Variants in SPAG9 observed in about 807,000 individuals in gnomAD.
SPAG9 encodes the protein sperm associated antigen 9.
A neutral mutation model predicts 166.5 loss-of-function variants in SPAG9; 35 were observed. That is an observed-to-expected ratio of 0.21 (90% CI 0.16 to 0.28). The LOEUF (loss-of-function observed/expected upper bound fraction) is 0.28. SPAG9 is among the 10% of genes least tolerant of loss of function. The probability of loss-of-function intolerance (pLI) is 1.00; values close to 1 mark genes in which losing one functional copy is unlikely to be tolerated. For synonymous variants in SPAG9, 534 were observed against 565.5 expected (o/e 0.94, Z 0.79); for missense variants, 1,235 against 1,603.3 (o/e 0.77, Z 3.92).
intron 27 of SPAG9, chr17:50,976,019 A>G: frequency 1.4e-6 from 1 of 739,802 alleles, no homozygotes; most frequent in Non-Finnish European, 2.3e-6. Context: ...CAAAGCCCCT[A>G]ACGAAAATAA....
chr17:51,032,186 G>A (rs548001167), intron 5 of SPAG9, among the ~76,000 whole-genome samples: 2 of 151,848 alleles, frequency 1.3e-5, no homozygotes, highest in East Asian at 1.9e-4. Context: ...TTTGAGACAC[G>A]GTCTCACTCC....
intron 2 of SPAG9, among the ~76,000 whole-genome samples, chr17:51,063,184 G>T (rs571588251): frequency 6.6e-6 from 1 of 152,120 alleles, no homozygotes; most frequent in Non-Finnish European, 1.5e-5. Context: ...CGAGGCAGGC[G>T]TATCACCTGA....
intron 1 of SPAG9, among the ~76,000 whole-genome samples, chr17:51,113,354 A>C (rs113985235): frequency 0.2 from 9,813 of 48,428 alleles, 260 homozygotes; most frequent in Non-Finnish European, 0.24. Flanking sequence ...ATGCCATATC[A>C]AAAAAAAAAA....
intron 10 of SPAG9, 26 bp downstream of exon 10, chr17:51,007,243 T>G (rs758846261): frequency 3.8e-6 from 5 of 1,330,166 alleles, no homozygotes; most frequent in African/African-American, 1.5e-5. Flanking sequence ...TTCTTTATCT[T>G]CTGTTAAAAT....
chr17:51,039,678 T>C (rs1026579156), intron 5 of SPAG9, among the ~76,000 whole-genome samples: 2 of 152,184 alleles, frequency 1.3e-5, no homozygotes, highest in Non-Finnish European at 2.9e-5. Flanking sequence ...AATCGGTTTA[T>C]AAGTTGTCAA....
chr17:50,997,942 T>C (rs75540720), intron 15 of SPAG9, among the ~76,000 whole-genome samples: 356 of 152,164 alleles, frequency 2.3e-3, no homozygotes, highest in African/African-American at 8.2e-3. Flanking sequence ...TCCTTCTCTT[T>C]TATAAAAACT....
chr17:51,085,948 T>A (rs556077028), intron 1 of SPAG9, among the ~76,000 whole-genome samples: 6 of 150,040 alleles, frequency 4.0e-5, no homozygotes, highest in South Asian at 4.2e-4. Flanking sequence ...TTTTTTATCC[T>A]CTTGGAAATC....
In SPAG9 at chr17:50,998,414, A is replaced by G. The variant is rs199564653; in HGVS notation, c.1838+30T>C. The G allele has an allele frequency of 4.7e-5, 74 of 1,583,944 alleles. No individual in the cohort carries two copies. In the East Asian group the frequency reaches 1.5e-3, roughly 32 times the overall value. On this transcript the variant is annotated intron_variant, in intron 15 of 29. Coordinates refer to ENST00000262013, the MANE Select transcript of SPAG9 (RefSeq NM_001130528.3). Reference sequence around the variant, plus strand: ...ATTCTGAACCACTAACTTAATTTAGAATATAATGATTAATTTGGAAAAGAC... The same window carrying G: ...ATTCTGAACCACTAACTTAATTTAGGATATAATGATTAATTTGGAAAAGAC...
At chr17:51,088,945 T>C (rs1368102549) in intron 1 of SPAG9, among the ~76,000 whole-genome samples, 1 of 149,044 alleles carries the variant, frequency 6.7e-6, no homozygotes, top group Non-Finnish European at 1.5e-5. Context: ...ATACTAAAAT[T>C]AGCCAGGCGA....
intron 1 of SPAG9, among the ~76,000 whole-genome samples, chr17:51,114,133 C>T (rs2049211076): frequency 6.6e-6 from 1 of 152,106 alleles, no homozygotes; most frequent in Admixed American, 6.6e-5. Flanking sequence ...TGAGACCAGC[C>T]TGGACAACAT....
chr17:51,045,404 C>T (rs191760465), intron 4 of SPAG9, among the ~76,000 whole-genome samples: 13 of 152,142 alleles, frequency 8.5e-5, no homozygotes, highest in Admixed American at 3.3e-4. Flanking sequence ...AGATTATTCC[C>T]AATTTTTATA....
Position 50,990,557 on chromosome 17 carries a change from C to T in SPAG9, c.2510G>A (p.Ser837Asn). Residue 837 changes from serine to asparagine, a missense_variant, in exon 20 of 30, where the codon AGC becomes AAC. This residue lies in a region of SPAG9 where 493 missense variants were observed against 559.4 expected (regional missense o/e 0.88). Transcript: ENST00000262013. ...MTSNSSAETD[S>N]LLGGITVVGC... ...AACCACTGTGATGCCTCCTAACAGG[C>T]TGTCTGTCTCTGCTGAGCTGTTGCT... The T allele has an allele frequency of 6.2e-7, 1 of 1,614,188 alleles. No individual in the cohort carries two copies. The highest frequency in any genetic ancestry group is 8.5e-7 in the Non-Finnish European group (1 of 1,179,998).
intron 1 of SPAG9, among the ~76,000 whole-genome samples, chr17:51,087,696 T>C (rs1447466495): frequency 6.6e-6 from 1 of 152,184 alleles, no homozygotes; most frequent in Non-Finnish European, 1.5e-5. Flanking sequence ...AGTACAAGCA[T>C]GGCTGACCTT....
intron 1 of SPAG9, among the ~76,000 whole-genome samples, chr17:51,119,645 G>A (rs1163586329): frequency 6.6e-6 from 1 of 151,986 alleles, no homozygotes; most frequent in Non-Finnish European, 1.5e-5. Flanking sequence ...TCCCAACCCC[G>A]CCCCCCAATC....
intron 5 of SPAG9, among the ~76,000 whole-genome samples, chr17:51,039,771 T>G (rs766897189): frequency 2.6e-5 from 4 of 152,182 alleles, no homozygotes; most frequent in Admixed American, 6.5e-5. Flanking sequence ...TGGGTAGTAT[T>G]AAAATATAGT....
intron 14 of SPAG9, 84 bp from the exon 15 acceptor site, chr17:50,998,701 A>T: frequency 7.5e-7 from 1 of 1,329,898 alleles, no homozygotes; most frequent in Non-Finnish European, 1.0e-6. Flanking sequence ...GTTGAAGAAA[A>T]TTTCAGAGTA....
intron 12 of SPAG9, among the ~76,000 whole-genome samples, chr17:51,002,183 T>C (rs2044983703): frequency 6.6e-6 from 1 of 151,972 alleles, no homozygotes; most frequent in South Asian, 2.1e-4. Context: ...GCCTGACTAA[T>C]TTTTAAATTT....
intron 24 of SPAG9, among the ~76,000 whole-genome samples, chr17:50,983,370 A>G (rs764787958): frequency 2.0e-5 from 3 of 152,186 alleles, no homozygotes; most frequent in Non-Finnish European, 4.4e-5. Flanking sequence ...TTCAAAACCA[A>G]GTTATCTTTG....
chr17:51,084,515 C>T (rs2048254410), intron 1 of SPAG9, among the ~76,000 whole-genome samples: 1 of 152,218 alleles, frequency 6.6e-6, no homozygotes, highest in East Asian at 1.9e-4. Flanking sequence ...CCAAGCAATA[C>T]TCCTGCCTCA....
Sources: allele counts gnomAD v4.1 joint callset (sites outside exome capture counted in the v4.1 genomes callset), GRCh38; gene constraint gnomAD v4.1.1; regional missense constraint gnomAD v4.1.1; transcripts MANE v1.5; gene names NCBI Gene and HGNC (gene_info 2026-07-23, HGNC 2026-07-21).